Variants in CHSY3 observed in about 807,000 individuals in gnomAD.
CHSY3 encodes N-acetylgalactosaminyl-proteoglycan 3-beta-glucuronosyltransferase 3.
A neutral mutation model predicts 67.2 loss-of-function variants in CHSY3; 35 were observed. The observed-to-expected ratio is 0.52, with a 90% CI of 0.40 to 0.69. CHSY3 has a LOEUF of 0.69. CHSY3 is among the 30% of genes least tolerant of loss of function. CHSY3 has a pLI of 0.00. For synonymous variants in CHSY3, 474 were observed against 434.7 expected, an observed-to-expected ratio of 1.09 and a Z score of -1.12; for missense variants, 1,069 against 1,138.5, an observed-to-expected ratio of 0.94 and a Z score of 0.88.
At chr5:129,953,177 TGTCCATG>T (rs1762073716) in intron 2 of CHSY3, among the ~76,000 whole-genome samples, 2 of 152,122 alleles carry the variant, frequency 1.3e-5, no homozygotes, top group African/African-American at 4.8e-5. Context: ...CCCCTTCCTG[TGTCCATG>T]TGTTCTTATT....
chr5:129,957,419 T>G (rs1478120464), intron 2 of CHSY3, among the ~76,000 whole-genome samples: 2 of 152,118 alleles, frequency 1.3e-5, no homozygotes, highest in Non-Finnish European at 2.9e-5. Flanking sequence ...ACAGGGATAG[T>G]TTGACTTCTC....
chr5:130,029,275 A>G (rs1414069380), intron 2 of CHSY3, among the ~76,000 whole-genome samples: 1 of 152,172 alleles, frequency 6.6e-6, no homozygotes, highest in Non-Finnish European at 1.5e-5. Context: ...ATTATTATTT[A>G]GCAGGTCTCA....
intron 2 of CHSY3, among the ~76,000 whole-genome samples, chr5:130,151,127 A>C (rs910222956): frequency 6.6e-6 from 1 of 152,204 alleles, no homozygotes; most frequent in African/African-American, 2.4e-5. Flanking sequence ...TATGGGTGTC[A>C]TATTTCTGTG....
intron 2 of CHSY3, among the ~76,000 whole-genome samples, chr5:130,159,688 G>A (rs763412294): frequency 2.0e-5 from 3 of 152,000 alleles, no homozygotes; most frequent in Non-Finnish European, 4.4e-5. Flanking sequence ...ATACCTTTAA[G>A]CAAATTAGCA....
At chr5:130,180,045 G>T (rs1392057689) in intron 2 of CHSY3, among the ~76,000 whole-genome samples, 1 of 152,146 alleles carries the variant, frequency 6.6e-6, no homozygotes, top group Non-Finnish European at 1.5e-5. Flanking sequence ...GCTCACCTGA[G>T]TTCCTGAACT....
At chr5:130,053,517 C>T (rs1765432287) in intron 2 of CHSY3, among the ~76,000 whole-genome samples, 1 of 152,136 alleles carries the variant, frequency 6.6e-6, no homozygotes, top group African/African-American at 2.4e-5. Context: ...CATACTCTCT[C>T]AGTTCCAGAA....
At chr5:129,994,177 A>G (rs534905991) in intron 2 of CHSY3, among the ~76,000 whole-genome samples, 3 of 151,976 alleles carry the variant, frequency 2.0e-5, no homozygotes, top group Non-Finnish European at 4.4e-5. Flanking sequence ...GGTGAATGTG[A>G]CAATTATGTG....
At chr5:130,153,039 T>C (rs1219003829) in intron 2 of CHSY3, among the ~76,000 whole-genome samples, 1 of 152,138 alleles carries the variant, frequency 6.6e-6, no homozygotes, top group East Asian at 1.9e-4. Context: ...GAGACCAGCC[T>C]GGCCAAAGTG....
chr5:129,961,663 G>A (rs769535831), intron 2 of CHSY3, among the ~76,000 whole-genome samples: 5 of 151,504 alleles, frequency 3.3e-5, no homozygotes, highest in East Asian at 3.9e-4. Flanking sequence ...ATTATTCAAC[G>A]ATTCCCTCCT....
intron 2 of CHSY3, among the ~76,000 whole-genome samples, chr5:130,019,358 C>A (rs1015492202): frequency 6.6e-6 from 1 of 152,124 alleles, no homozygotes; most frequent in African/African-American, 2.4e-5. Flanking sequence ...ATCAGGTACT[C>A]CATCACCCAG....
chr5:130,054,457 G>T (rs1213231494), intron 2 of CHSY3, among the ~76,000 whole-genome samples: 3 of 152,120 alleles, frequency 2.0e-5, no homozygotes, highest in Non-Finnish European at 2.9e-5. Context: ...GTTAGCTCAA[G>T]AAAAAGTCTA....
chr5:130,010,017 T>C (rs1470896887), intron 2 of CHSY3, among the ~76,000 whole-genome samples: 1 of 152,130 alleles, frequency 6.6e-6, no homozygotes, highest in East Asian at 1.9e-4. Context: ...AAGAGACTTC[T>C]ATAACCACAC....
intron 2 of CHSY3, among the ~76,000 whole-genome samples, chr5:129,913,034 T>C (rs571600064): frequency 6.6e-6 from 1 of 152,334 alleles, no homozygotes; most frequent in Admixed American, 6.5e-5. Context: ...AGATCACACT[T>C]TTGGTTGAGC....
At chr5:130,087,238 G>C (rs1033283196) in intron 2 of CHSY3, among the ~76,000 whole-genome samples, 12 of 151,790 alleles carry the variant, frequency 7.9e-5, no homozygotes, top group Admixed American at 5.9e-4. Context: ...AGAGCTATCT[G>C]TGACAAACCC....
Position 129,905,027 on chromosome 5 carries a change from C to T in CHSY3, c.198C>T (p.Pro66=). 9 of 1,560,860 alleles carry T rather than the reference C, an allele frequency of 5.8e-6. No individual in the cohort carries two copies. Among genetic ancestry groups the T allele is most frequent in the Non-Finnish European group, 7.8e-6 (9 of 1,159,988 alleles). The change falls in exon 1 of 3, where the codon CCC becomes CCT. Residue 66 remains proline (P), a synonymous_variant. Transcript: ENST00000305031. ...GCGCTCAGCAGCCGCTCCCCCAGCCCCAGTCCCGACCACGGCAGGAGCAGT... is the reference window on the plus strand; with the variant it reads ...GCGCTCAGCAGCCGCTCCCCCAGCCTCAGTCCCGACCACGGCAGGAGCAGT... The part of the protein sequence containing the change: ...RAGAQQPLPQ[P]QSRPRQEQSP...
intron 2 of CHSY3, among the ~76,000 whole-genome samples, chr5:129,985,258 C>T (rs1434272787): frequency 6.6e-6 from 1 of 152,164 alleles, no homozygotes; most frequent in Non-Finnish European, 1.5e-5. Context: ...CCAGTCATCC[C>T]AGCAACATTT....
intron 2 of CHSY3, among the ~76,000 whole-genome samples, chr5:129,969,559 G>C (rs1342667054): frequency 6.6e-6 from 1 of 151,662 alleles, no homozygotes; most frequent in Non-Finnish European, 1.5e-5. Flanking sequence ...CTGATCTCAA[G>C]CCTAAAAAGA....
chr5:129,999,822 G>T (rs1444854385), intron 2 of CHSY3, among the ~76,000 whole-genome samples: 1 of 151,866 alleles, frequency 6.6e-6, no homozygotes, highest in Non-Finnish European at 1.5e-5. Flanking sequence ...ATATTAGGTA[G>T]CTGCAAGATA....
intron 2 of CHSY3, chr5:130,052,110 C>CA (rs1219971724): frequency 6.6e-6 from 1 of 152,232 alleles, no homozygotes; most frequent in Non-Finnish European, 1.5e-5. Flanking sequence ...TCTCAGTCCA[C>CA]ACTGCCATAG....
Sources: allele counts gnomAD v4.1 joint callset (sites outside exome capture counted in the v4.1 genomes callset), GRCh38; gene constraint gnomAD v4.1.1; transcripts MANE v1.5; gene names NCBI Gene and HGNC (gene_info 2026-07-23, HGNC 2026-07-21).